The following MTIF2 variants were observed in gnomAD, a reference collection of about 807,000 sequenced individuals.
The protein encoded by MTIF2 is mitochondrial translational initiation factor 2.
Under a neutral mutation model 83.5 loss-of-function variants are expected in MTIF2, and 71 were observed. The observed-to-expected ratio is 0.85, with a 90% CI of 0.70 to 1.04. MTIF2 has a LOEUF of 1.04. Among genes scored for constraint, MTIF2 ranks in the 50% least tolerant of loss-of-function variants. The pLI is 0.00. For synonymous variants in MTIF2, 319 were observed against 287.1 expected (o/e 1.11, Z -1.12); for missense variants, 957 against 846.5 (o/e 1.13, Z -1.62).
intron 3 of MTIF2, among the ~76,000 whole-genome samples, chr2:55,264,154 A>T (rs1175229514): frequency 6.6e-6 from 1 of 152,240 alleles, no homozygotes; most frequent in Non-Finnish European, 1.5e-5. Flanking sequence ...TTGAAATATC[A>T]ACTAACCAAA....
chr2:55,246,549 G>T, intron 9 of MTIF2, 88 bp from the exon 10 acceptor site: 1 of 1,041,052 alleles, frequency 9.6e-7, no homozygotes, highest in Non-Finnish European at 1.4e-6. Flanking sequence ...CATAATACTT[G>T]CAAGTTATAT....
chr2:55,252,789 A>G (rs777534593), intron 7 of MTIF2, 136 bp from the exon 8 acceptor site: 14 of 577,510 alleles, frequency 2.4e-5, no homozygotes, highest in Non-Finnish European at 3.8e-5. Context: ...TCTTAATCAG[A>G]ACACAGATCA....
At chr2:55,243,959 T>C (rs574466278) in intron 11 of MTIF2, 70 bp downstream of exon 11, 2 of 1,255,452 alleles carry the variant, frequency 1.6e-6, no homozygotes, top group South Asian at 1.5e-5. Flanking sequence ...ACATATTTGG[T>C]ATAACATTGT....
intron 5 of MTIF2, among the ~76,000 whole-genome samples, chr2:55,255,762 G>C (rs1409758250): frequency 6.6e-6 from 1 of 152,038 alleles, no homozygotes; most frequent in African/African-American, 2.4e-5. Context: ...TACGACAGCT[G>C]AAACAGTGTC....
chr2:55,243,928 T>C, intron 11 of MTIF2, 101 bp downstream of exon 11: 1 of 1,101,466 alleles, frequency 9.1e-7, no homozygotes, highest in Non-Finnish European at 1.3e-6. Flanking sequence ...CCTTATAATC[T>C]AGATTTGTTA....
chr2:55,262,120 A>G (rs1678048934), intron 5 of MTIF2, among the ~76,000 whole-genome samples, 196 bp downstream of exon 5: 1 of 152,184 alleles, frequency 6.6e-6, no homozygotes, highest in Admixed American at 6.5e-5. Flanking sequence ...TAAAAGCAAA[A>G]TCTTGGAGAA....
In MTIF2 at chr2:55,236,677, C is replaced by T. The variant is rs1380975899; in HGVS notation, c.2155G>A (p.Ala719Thr). The T allele has an allele frequency of 1.3e-6, 2 of 1,598,076 alleles. No individual in the cohort carries two copies. The highest frequency in any genetic ancestry group is 2.2e-5 in the East Asian group (1 of 44,574). The change falls in exon 16 of 16, where the codon GCC becomes ACC. Residue 719 changes from alanine to threonine, a missense_variant. By Grantham distance (58) the Ala-to-Thr change is moderately conservative. Coordinates refer to ENST00000263629, the MANE Select transcript of MTIF2 (RefSeq NM_002453.3). ...AATCCTGGATCCCAAGAAGTCTTGG[C>T]TTGAATTTGCTTTTCTTCATAACAA... ...IVCYEEKQIQ[A>T]KTSWDPGF
intron 5 of MTIF2, among the ~76,000 whole-genome samples, chr2:55,255,409 T>C (rs1010230630): frequency 6.0e-4 from 87 of 145,526 alleles, no homozygotes; most frequent in African/African-American, 2.1e-3. Flanking sequence ...ATATATAATA[T>C]ATATTTATAT....
chr2:55,260,595 T>C (rs1348284782), intron 5 of MTIF2, among the ~76,000 whole-genome samples: 1 of 152,204 alleles, frequency 6.6e-6, no homozygotes, highest in Non-Finnish European at 1.5e-5. Context: ...CCATATTCCA[T>C]AGGTTCAAAT....
rs1676198169 is a variant in MTIF2 at position 55,240,169 on chromosome 2, A to G, written c.1712T>C (p.Ile571Thr). The G allele has an allele frequency of 1.2e-6, 2 of 1,609,552 alleles. No individual in the cohort carries two copies. Among genetic ancestry groups the G allele is most frequent in the Non-Finnish European group, 1.7e-6 (2 of 1,176,410 alleles). Reference sequence around the variant, plus strand: ...GCCTGCATTCACATTAAAGCCATATATAACACCTAGCAAACAGAAATATGA... The same window carrying G: ...GCCTGCATTCACATTAAAGCCATATGTAACACCTAGCAAACAGAAATATGA... ...VNLAETFDGV[I>T]YGFNVNAGNV... The change falls in exon 14 of 16, where the codon ATA becomes ACA. Residue 571 changes from isoleucine to threonine, a missense_variant. Physicochemically the swap from Ile to Thr is moderately conservative, Grantham distance 89 (BLOSUM62 -1). Transcript: ENST00000263629.
At chr2:55,258,811 CAAAA>C (rs368542489) in intron 5 of MTIF2, among the ~76,000 whole-genome samples, 3 of 67,276 alleles carry the variant, frequency 4.5e-5, no homozygotes, top group Non-Finnish European at 8.6e-5. Flanking sequence ...GCCTCTGTCT[CAAAA>C]AAAAAAAAAA....
chr2:55,263,825 G>A lies in MTIF2; in HGVS notation c.34C>T (p.Leu12=), dbSNP rs751868076. 3.2e-5 allele frequency: 52 copies of A among 1,613,732 alleles called. No homozygotes were observed. The highest frequency in any genetic ancestry group is 4.1e-5 in the Non-Finnish European group (48 of 1,179,978). Residue 12 remains leucine (L), a synonymous_variant, in exon 4 of 16, where the codon CTA becomes TTA. Coordinates refer to ENST00000263629, the MANE Select transcript of MTIF2 (RefSeq NM_002453.3). The part of the protein sequence containing the change: ...NQKLLKLENL[L]RFHTIYRQLH... ...TGCCTATAAATAGTGTGAAATCGTA[G>A]CAAGTTCTCCAACTTCAGTAGCTTC... is the stretch of plus-strand genomic sequence containing the variant.
At chr2:55,245,966 T>A (rs1383512087) in intron 10 of MTIF2, among the ~76,000 whole-genome samples, 3 of 152,184 alleles carry the variant, frequency 2.0e-5, no homozygotes, top group Non-Finnish European at 4.4e-5. Context: ...ATTATATTAA[T>A]GGGTAAAGTA....
Position 55,243,091 on chromosome 2 carries a change from A to G in MTIF2, c.1565-11T>C, listed in dbSNP as rs1213243756. The G allele has an allele frequency of 1.9e-6, 3 of 1,580,856 alleles. No homozygotes were observed. ...AACCATCAACATCACCTAAATACAG[A>G]AAAAGTTTATAATTGTTGCTTTTAA... On this transcript the variant is annotated splice_polypyrimidine_tract_variant and intron_variant, in intron 12 of 15. Coordinates refer to ENST00000263629, the MANE Select transcript of MTIF2 (RefSeq NM_002453.3).
At chr2:55,242,126 A>G (rs1676363503) in intron 13 of MTIF2, among the ~76,000 whole-genome samples, 1 of 149,398 alleles carries the variant, frequency 6.7e-6, no homozygotes. Context: ...TGGGCAAAAG[A>G]GTGAGGCTCT....
intron 14 of MTIF2, among the ~76,000 whole-genome samples, chr2:55,237,635 C>T (rs1156812770): frequency 7.0e-6 from 1 of 142,776 alleles, no homozygotes; most frequent in Admixed American, 7.7e-5. Flanking sequence ...CTATTCTTTT[C>T]CTTTTCTTTT....
In MTIF2 at chr2:55,254,160, A is replaced by G; in HGVS notation, c.545T>C (p.Val182Ala). 1 of 1,614,126 alleles carries G rather than the reference A, an allele frequency of 6.2e-7. No individual in the cohort carries two copies. The highest frequency in any genetic ancestry group is 8.5e-7 in the Non-Finnish European group (1 of 1,180,012). Reference sequence around the variant, plus strand: ...ATCAACATGGCCCATTATAGTAACAACTGGGGACCTTGGGGTTAATAAAGC... The same window carrying G: ...ATCAACATGGCCCATTATAGTAACAGCTGGGGACCTTGGGGTTAATAAAGC... ...DPALLTPRSP[V>A]VTIMGHVDHG... Residue 182 changes from valine to alanine, a missense_variant, in exon 7 of 16, where the codon GTT (valine) becomes GCT (alanine). Coordinates refer to ENST00000263629, the MANE Select transcript of MTIF2 (RefSeq NM_002453.3).
intron 5 of MTIF2, among the ~76,000 whole-genome samples, chr2:55,257,978 G>A (rs1187306122): frequency 1.3e-5 from 2 of 152,294 alleles, no homozygotes; most frequent in African/African-American, 2.4e-5. Flanking sequence ...CTTTTGTAAA[G>A]ACAAGGCTTC....
chr2:55,259,785 A>G (rs1240155650), intron 5 of MTIF2, among the ~76,000 whole-genome samples: 2 of 152,186 alleles, frequency 1.3e-5, no homozygotes, highest in Non-Finnish European at 2.9e-5. Context: ...CTCTACTAAA[A>G]ATACAAATAT....
Sources: allele counts gnomAD v4.1 joint callset (sites outside exome capture counted in the v4.1 genomes callset), GRCh38; gene constraint gnomAD v4.1.1; transcripts MANE v1.5; gene names NCBI Gene and HGNC (gene_info 2026-07-23, HGNC 2026-07-21).